SEMA6D: variants seen among roughly 807,000 people sequenced by gnomAD.
The protein encoded by SEMA6D is semaphorin-6D.
A neutral mutation model predicts 106.6 loss-of-function variants in SEMA6D; 35 were observed. That is an observed-to-expected ratio of 0.33 (90% confidence interval 0.25 to 0.44). SEMA6D has a LOEUF of 0.44. Among genes scored for constraint, SEMA6D ranks in the 20% least tolerant of loss-of-function variants. The pLI, the probability that SEMA6D is intolerant of heterozygous loss-of-function variation, is 1.00. For missense variants in SEMA6D, 1,185 were observed against 1,345.9 expected, an observed-to-expected ratio of 0.88 and a Z score of 1.87; for synonymous variants, 499 against 487.7, an observed-to-expected ratio of 1.02 and a Z score of -0.31.
intron 4 of SEMA6D, among the ~76,000 whole-genome samples, chr15:47,627,901 G>A (rs2077230277): frequency 6.6e-6 from 1 of 151,916 alleles, no homozygotes. Context: ...TGCTATTTTT[G>A]TCATTTCAAG....
chr15:47,417,405 G>A (rs1009202748), intron 2 of SEMA6D, among the ~76,000 whole-genome samples: 2 of 114,122 alleles, frequency 1.8e-5, no homozygotes, highest in Non-Finnish European at 3.7e-5. Flanking sequence ...TATACTGTGT[G>A]TGTGTATATG....
intron 1 of SEMA6D, among the ~76,000 whole-genome samples, chr15:47,314,720 G>C (rs959285202): frequency 1.3e-5 from 2 of 151,554 alleles, no homozygotes; most frequent in African/African-American, 4.8e-5. Flanking sequence ...GCAGTCTCTG[G>C]ACATGGACTT....
intron 3 of SEMA6D, among the ~76,000 whole-genome samples, chr15:47,590,526 TAATAAATA>T (rs903008159): frequency 6.6e-6 from 1 of 151,890 alleles, no homozygotes; most frequent in East Asian, 1.9e-4. Context: ...ACTTAAAGTA[TAATAAATA>T]AATAAATAAA....
At chr15:47,362,716 C>T (rs1209432604) in intron 1 of SEMA6D, among the ~76,000 whole-genome samples, 1 of 152,108 alleles carries the variant, frequency 6.6e-6, no homozygotes, top group Admixed American at 6.5e-5. Flanking sequence ...CATAATGAAG[C>T]CCCCACAGTG....
chr15:47,593,034 T>C (rs878962474), intron 3 of SEMA6D, among the ~76,000 whole-genome samples: 1 of 152,136 alleles, frequency 6.6e-6, no homozygotes, highest in East Asian at 1.9e-4. Context: ...CAGCAGTACC[T>C]CTCTGTGAAG....
intron 4 of SEMA6D, among the ~76,000 whole-genome samples, chr15:47,680,720 A>G (rs1201566522): frequency 1.3e-5 from 2 of 152,206 alleles, no homozygotes; most frequent in Non-Finnish European, 2.9e-5. Flanking sequence ...CAAAATATAT[A>G]AGGAACTTAT....
Position 47,762,261 on chromosome 15 carries a change from A to C in SEMA6D, c.600A>C (p.Arg200=), listed in dbSNP as rs2147743144. 6.2e-7 allele frequency: 1 copy of C among 1,613,698 alleles called. No individual in the cohort carries two copies. Among genetic ancestry groups the C allele is most frequent in the East Asian group, 2.2e-5 (1 of 44,866 alleles). ...TGGCCAGCGATGCCGTTATTTATCG[A>C]AGCATGGGTGATGGATCTGCCCTTC... ...DFLASDAVIY[R]SMGDGSALRT... Residue 200 remains arginine, a synonymous_variant, in exon 8 of 19, where the codon CGA becomes CGC. Coordinates refer to ENST00000536845, the MANE Select transcript of SEMA6D (RefSeq NM_001358351.3).
chr15:47,760,465 G>A lies in SEMA6D; in HGVS notation c.221+50G>A. On this transcript the variant is annotated intron_variant, in intron 3 of 18. Transcript: ENST00000536845. The stretch of plus-strand genomic sequence containing the variant: ...TAGATTAAAATTCTTTTCTCTTGTG[G>A]TGCTTGCATTAGTGTGTCTAGTTCA... 3 of 1,410,458 alleles carry A rather than the reference G, an allele frequency of 2.1e-6. No individual in the cohort carries two copies. The African/African-American group carries it at 4.3e-5, about 20-fold the overall frequency. 87.4% of individuals were successfully genotyped at this position (1,410,458 alleles called of 1,614,324 possible). A position where few individuals can be genotyped will look rare whatever the true frequency, so the allele number is the denominator to read the frequency against.
intron 1 of SEMA6D, among the ~76,000 whole-genome samples, chr15:47,214,000 T>G (rs935202797): frequency 6.6e-6 from 1 of 152,158 alleles, no homozygotes; most frequent in East Asian, 1.9e-4. Flanking sequence ...TCTGGCATGC[T>G]GGTGGTGGCT....
intron 2 of SEMA6D, among the ~76,000 whole-genome samples, chr15:47,449,773 A>G (rs561990780): frequency 6.6e-6 from 1 of 152,126 alleles, no homozygotes; most frequent in East Asian, 1.9e-4. Context: ...TAAGAGACGT[A>G]TAATGCAATA....
intron 4 of SEMA6D, among the ~76,000 whole-genome samples, chr15:47,673,642 G>A (rs2078181316): frequency 6.6e-6 from 1 of 152,154 alleles, no homozygotes; most frequent in Non-Finnish European, 1.5e-5. Flanking sequence ...CCCAGTCTAT[G>A]GGGCAAGACC....
At chr15:47,392,900 T>G in intron 1 of SEMA6D, among the ~76,000 whole-genome samples, 1 of 152,328 alleles carries the variant, frequency 6.6e-6, no homozygotes, top group South Asian at 2.1e-4. Flanking sequence ...TAGCCACGAC[T>G]TATGTCTCTA....
intron 4 of SEMA6D, among the ~76,000 whole-genome samples, chr15:47,634,061 A>G (rs115712794): frequency 0.013 from 1,929 of 152,172 alleles, 43 homozygotes; most frequent in African/African-American, 0.044. Flanking sequence ...TTGTTGAAGC[A>G]TTTTCATGAC....
At chr15:47,598,109 A>G (rs369367866) in intron 3 of SEMA6D, among the ~76,000 whole-genome samples, 1 of 151,976 alleles carries the variant, frequency 6.6e-6, no homozygotes, top group Non-Finnish European at 1.5e-5. Context: ...TTATACTGTA[A>G]AGCATCCAGG....
intron 1 of SEMA6D, among the ~76,000 whole-genome samples, chr15:47,277,609 A>ATTATTTATTTAT (rs1555414606): frequency 2.2e-4 from 28 of 128,600 alleles, no homozygotes; most frequent in African/African-American, 7.3e-4. Context: ...TATTATTATT[A>ATTATTTATTTAT]TTATTTATTA....
intron 1 of SEMA6D, among the ~76,000 whole-genome samples, chr15:47,306,294 C>T (rs537116990): frequency 1.3e-5 from 2 of 152,068 alleles, no homozygotes; most frequent in Non-Finnish European, 2.9e-5. Flanking sequence ...AATGGTAACT[C>T]ATCTTCTAGC....
chr15:47,226,628 G>C (rs1221697175), intron 1 of SEMA6D, among the ~76,000 whole-genome samples: 6 of 152,222 alleles, frequency 3.9e-5, no homozygotes, highest in African/African-American at 2.4e-5. Flanking sequence ...AAGAGTTTCT[G>C]TATAGACACT....
At chr15:47,364,529 C>T (rs769726338) in intron 1 of SEMA6D, among the ~76,000 whole-genome samples, 16 of 152,146 alleles carry the variant, frequency 1.1e-4, no homozygotes, top group Non-Finnish European at 1.5e-4. Context: ...TATAGCTGTG[C>T]GCTGCACATG....
intron 1 of SEMA6D, chr15:47,718,332 G>A (rs2079211709): frequency 1.3e-5 from 2 of 152,312 alleles, no homozygotes. Context: ...CCTGGAGAAG[G>A]GGCGCAGCGC....
Sources: gnomAD v4.1 joint callset for allele counts (sites outside exome capture counted in the v4.1 genomes callset) on GRCh38, gnomAD v4.1.1 for gene constraint, MANE v1.5 for transcripts, NCBI Gene and HGNC (gene_info 2026-07-23, HGNC 2026-07-21) for gene names.